Variants in DCLK1 observed in about 807,000 individuals in gnomAD.
DCLK1 encodes doublecortin like kinase 1.
DCLK1 carries 16 observed loss-of-function variants against 86.2 expected under a neutral mutation model. The observed-to-expected ratio is 0.19, with a 90% confidence interval of 0.13 to 0.28. The LOEUF (loss-of-function observed/expected upper bound fraction) is 0.28. Among genes scored for constraint, DCLK1 ranks in the 10% least tolerant of loss-of-function variants. The pLI is 1.00. For synonymous variants in DCLK1, 369 were observed against 370.5 expected, an observed-to-expected ratio of 1.00 and a Z score of 0.05; for missense variants, 590 against 940.2, an observed-to-expected ratio of 0.63 and a Z score of 4.87.
At chr13:35,864,276 G>T (rs1372867006) in intron 5 of DCLK1, among the ~76,000 whole-genome samples, 1 of 135,836 alleles carries the variant, frequency 7.4e-6, no homozygotes, top group Non-Finnish European at 1.6e-5. Flanking sequence ...ATAAAAAGTT[G>T]GCTATCTGGC....
chr13:36,054,908 G>T (rs1235988035), intron 3 of DCLK1, among the ~76,000 whole-genome samples: 1 of 152,154 alleles, frequency 6.6e-6, no homozygotes, highest in African/African-American at 2.4e-5. Context: ...ATAAAAAGTA[G>T]TGCGGTGGGG....
chr13:36,104,439 A>G (rs146148313), intron 3 of DCLK1, among the ~76,000 whole-genome samples: 173 of 152,286 alleles, frequency 1.1e-3, no homozygotes, highest in African/African-American at 4.0e-3. Context: ...GGCTACATAC[A>G]ATGTACAGTG....
chr13:35,923,451 G>A (rs1875925003), intron 4 of DCLK1, among the ~76,000 whole-genome samples: 1 of 151,960 alleles, frequency 6.6e-6, no homozygotes, highest in Admixed American at 6.6e-5. Flanking sequence ...AGGGCTTGGT[G>A]GGCTGCCCTG....
Position 36,126,142 on chromosome 13 carries a change from G to T in DCLK1, c.-5C>A. ...CATGTCTCTGCCGAAGGACATGATG[G>T]ACTTCAAGTAGGACCTACGAGCCCC... is the stretch of plus-strand genomic sequence containing the variant. On this transcript the variant is annotated 5_prime_UTR_variant, in exon 2 of 17. Transcript: ENST00000360631. 6.3e-7 allele frequency: 1 copy of T among 1,579,512 alleles called. No individual in the cohort carries two copies. The highest frequency in any genetic ancestry group is 1.1e-5 in the South Asian group (1 of 87,112).
chr13:35,849,595 A>C, intron 6 of DCLK1: 2 of 977,582 alleles, frequency 2.0e-6, no homozygotes, highest in Non-Finnish European at 2.4e-6. Context: ...TGTTTAAGCA[A>C]AGACGACTAT....
At chr13:36,078,933 T>C (rs1283160164) in intron 3 of DCLK1, among the ~76,000 whole-genome samples, 1 of 152,126 alleles carries the variant, frequency 6.6e-6, no homozygotes, top group African/African-American at 2.4e-5. Context: ...GAAGGTTGTA[T>C]GGAGAAGAGA....
intron 4 of DCLK1, among the ~76,000 whole-genome samples, chr13:35,911,052 G>C (rs534457775): frequency 9.9e-5 from 15 of 151,612 alleles, no homozygotes; most frequent in African/African-American, 3.4e-4. Context: ...GGGAGGCAGA[G>C]GTGGGCGGAT....
At chr13:36,117,903 TC>T (rs896097525) in intron 2 of DCLK1, among the ~76,000 whole-genome samples, 1 of 152,082 alleles carries the variant, frequency 6.6e-6, no homozygotes, top group African/African-American at 2.4e-5. Context: ...AGAAGTCACT[TC>T]CCACTTCCCA....
intron 16 of DCLK1, chr13:35,788,418 A>G (rs1177010744): frequency 2.5e-6 from 2 of 790,916 alleles, no homozygotes; most frequent in African/African-American, 3.4e-5. Context: ...GTAACTAGCT[A>G]ATATCCTAAG....
intron 4 of DCLK1, among the ~76,000 whole-genome samples, chr13:35,937,131 G>A (rs187687184): frequency 1.6e-4 from 16 of 100,180 alleles, no homozygotes; most frequent in Admixed American, 4.0e-4. Context: ...CACCATGTCC[G>A]GCTATTTTTT....
intron 16 of DCLK1, among the ~76,000 whole-genome samples, chr13:35,779,641 C>A (rs754163000): frequency 5.9e-5 from 9 of 152,076 alleles, no homozygotes; most frequent in Non-Finnish European, 1.2e-4. Context: ...TATTAAGAGT[C>A]AATATTTAAG....
intron 4 of DCLK1, among the ~76,000 whole-genome samples, chr13:35,931,650 A>G (rs2153129065): frequency 1.3e-5 from 2 of 152,284 alleles, no homozygotes; most frequent in South Asian, 4.2e-4. Context: ...GGATATCAAG[A>G]GAAGTGCAAC....
intron 3 of DCLK1, among the ~76,000 whole-genome samples, chr13:36,008,043 A>G (rs1881067936): frequency 6.6e-6 from 1 of 151,662 alleles, no homozygotes; most frequent in African/African-American, 2.4e-5. Context: ...TTATGAACAA[A>G]ATATATTTCC....
intron 2 of DCLK1, among the ~76,000 whole-genome samples, chr13:36,118,307 A>T (rs2138203236): frequency 6.6e-6 from 1 of 152,276 alleles, no homozygotes; most frequent in African/African-American, 2.4e-5. Flanking sequence ...ACTGAATGTT[A>T]CGTATCCACA....
chr13:35,909,236 C>T (rs1266990726), intron 4 of DCLK1, among the ~76,000 whole-genome samples: 1 of 152,218 alleles, frequency 6.6e-6, no homozygotes, highest in Non-Finnish European at 1.5e-5. Flanking sequence ...CTCCTGGATA[C>T]TCACATGTGT....
intron 4 of DCLK1, among the ~76,000 whole-genome samples, chr13:35,912,284 A>C (rs1875087198): frequency 6.6e-6 from 1 of 152,180 alleles, no homozygotes; most frequent in Non-Finnish European, 1.5e-5. Flanking sequence ...TGTTTGAGCC[A>C]AAAAGCCACA....
chr13:35,918,125 T>G (rs1875545277), intron 4 of DCLK1, among the ~76,000 whole-genome samples: 1 of 152,200 alleles, frequency 6.6e-6, no homozygotes, highest in Admixed American at 6.5e-5. Context: ...AAAGAATGAA[T>G]CCTTTCTACG....
chr13:36,065,032 G>C (rs750964826), intron 3 of DCLK1, among the ~76,000 whole-genome samples: 1 of 152,142 alleles, frequency 6.6e-6, no homozygotes, highest in Admixed American at 6.5e-5. Flanking sequence ...GACTTTAAAC[G>C]GACTGCAGAT....
intron 6 of DCLK1, among the ~76,000 whole-genome samples, chr13:35,845,674 G>T (rs2153108951): frequency 6.6e-6 from 1 of 152,290 alleles, no homozygotes; most frequent in East Asian, 1.9e-4. Flanking sequence ...ACCTGAAACA[G>T]AATTTTTCAT....
Sources: gnomAD v4.1 joint callset for allele counts (sites outside exome capture counted in the v4.1 genomes callset) on GRCh38, gnomAD v4.1.1 for gene constraint, MANE v1.5 for transcripts, NCBI Gene and HGNC (gene_info 2026-07-23, HGNC 2026-07-21) for gene names.